ACTN1: variants seen among roughly 807,000 people sequenced by gnomAD.
ACTN1 encodes the protein alpha-actinin-1.
ACTN1 carries 30 observed loss-of-function variants against 119.6 expected under a neutral mutation model. The observed-to-expected ratio is 0.25, with a 90% confidence interval of 0.19 to 0.34. ACTN1 has a LOEUF of 0.34. Ranked by LOEUF, ACTN1 falls within the 10% of genes least tolerant of loss-of-function variation. The pLI is 1.00. For missense variants in ACTN1, 764 were observed against 1,223.4 expected (o/e 0.62, Z 5.60); for synonymous variants, 429 against 472.6 (o/e 0.91, Z 1.20).
intron 1 of ACTN1, among the ~76,000 whole-genome samples, chr14:68,959,167 C>T (rs548775201): frequency 1.3e-5 from 2 of 152,324 alleles, no homozygotes; most frequent in African/African-American, 4.8e-5. Flanking sequence ...ACAACTGCCA[C>T]GACAGAGTCT....
At chr14:68,889,077 C>G (rs1370131809) in intron 11 of ACTN1, among the ~76,000 whole-genome samples, 1 of 152,222 alleles carries the variant, frequency 6.6e-6, no homozygotes, top group African/African-American at 2.4e-5. Flanking sequence ...CTGTCCCACG[C>G]TCCAGCTGAA....
At position 68,979,076 on chromosome 14, in the gene ACTN1, G is replaced by A. The variant is rs757893892; in HGVS notation, c.-20C>T. On this transcript the variant is annotated 5_prime_UTR_variant, in exon 1 of 22. Transcript: ENST00000394419. ...GTCCATGATGGTGCGCGCGTGCTAGGGTCTGGATTTCTTCCTCCACCTTCT... is the reference window on the plus strand; with the variant it reads ...GTCCATGATGGTGCGCGCGTGCTAGAGTCTGGATTTCTTCCTCCACCTTCT... The A allele has an allele frequency of 2.0e-6, 3 of 1,538,418 alleles. No individual in the cohort carries two copies. Among genetic ancestry groups the A allele is most frequent in the African/African-American group, 2.8e-5 (2 of 71,426 alleles).
In ACTN1 at chr14:68,879,926, G is replaced by A. The variant is rs1250684612; in HGVS notation, c.2280+36C>T. The A allele has an allele frequency of 6.2e-7, 1 of 1,609,086 alleles. No homozygotes were observed. The highest frequency in any genetic ancestry group is 1.3e-5 in the African/African-American group (1 of 74,954). ...TCCAGGGCCCTGGGGCAGGGGTTGG[G>A]GGCTGCACTAAGAAAGCACAGGATG... On this transcript the variant is annotated intron_variant, in intron 18 of 21. Coordinates refer to ENST00000394419, the MANE Select transcript of ACTN1 (RefSeq NM_001130004.2). The surrounding 1 kb of genome is among the most constrained non-coding windows in gnomAD (Gnocchi z 4.9).
chr14:68,978,917 G>GCTGGGGGCTGGGGT, intron 1 of ACTN1, 35 bp downstream of exon 1: 1 of 1,429,034 alleles, frequency 7.0e-7, no homozygotes, highest in Non-Finnish European at 9.5e-7. Context: ...GGGGCTGGGG[G>GCTGGGGGCTGGGGT]CTGGGGGCTG....
At chr14:68,922,237 G>A (rs1397137580) in intron 2 of ACTN1, among the ~76,000 whole-genome samples, 2 of 152,150 alleles carry the variant, frequency 1.3e-5, no homozygotes, top group African/African-American at 2.4e-5. Flanking sequence ...GACCAGCCAC[G>A]GGGATTCTGG....
rs1387288424 is a variant in ACTN1, at chr14:68,885,617, G to A, written c.1235-42C>T. Reference sequence around the variant, plus strand: ...CCACATGGCTGAGCTGGAGTGAGAAGCATCTCCTTGGTCCCAACCGCCCAC... The same window carrying A: ...CCACATGGCTGAGCTGGAGTGAGAAACATCTCCTTGGTCCCAACCGCCCAC... On this transcript the variant is annotated intron_variant, in intron 11 of 21. Transcript: ENST00000394419. The surrounding 1 kb of genome is among the most constrained non-coding windows in gnomAD (Gnocchi z 5.6). The A allele has an allele frequency of 6.2e-7, 1 of 1,600,668 alleles. No homozygotes were observed.
At chr14:68,950,374 ATGC>A (rs2036098111) in intron 1 of ACTN1, among the ~76,000 whole-genome samples, 1 of 151,270 alleles carries the variant, frequency 6.6e-6, no homozygotes, top group Non-Finnish European at 1.5e-5. Flanking sequence ...CATGTACTTA[ATGC>A]TGCTGAACTG....
intron 8 of ACTN1, among the ~76,000 whole-genome samples, chr14:68,897,120 T>C (rs2032936876): frequency 6.6e-6 from 1 of 152,162 alleles, no homozygotes; most frequent in Non-Finnish European, 1.5e-5. Flanking sequence ...GTAGCTGGGA[T>C]TACAGGTGCA....
intron 1 of ACTN1, among the ~76,000 whole-genome samples, chr14:68,950,323 GT>G (rs1162547972): frequency 6.9e-6 from 1 of 145,712 alleles, no homozygotes; most frequent in East Asian, 2.0e-4. Flanking sequence ...AAAAAAAAGA[GT>G]TCAGGAGATG....
chr14:68,937,060 C>T (rs1263214211), intron 1 of ACTN1, among the ~76,000 whole-genome samples: 3 of 152,106 alleles, frequency 2.0e-5, no homozygotes, highest in African/African-American at 7.2e-5. Context: ...CTCCTCCTTC[C>T]TTTTTCCCTT....
At chr14:68,969,826 TAG>T (rs1197467455) in intron 1 of ACTN1, among the ~76,000 whole-genome samples, 1 of 152,004 alleles carries the variant, frequency 6.6e-6, no homozygotes, top group African/African-American at 2.4e-5. Context: ...GGAGAAAAGA[TAG>T]AGTCTGATTT....
intron 3 of ACTN1, among the ~76,000 whole-genome samples, chr14:68,916,338 C>G (rs763807): frequency 6.6e-6 from 1 of 152,156 alleles, no homozygotes; most frequent in East Asian, 1.9e-4. Context: ...GGAGTCCTCC[C>G]GGAGGGACTG....
chr14:68,963,733 G>A (rs894697719), intron 1 of ACTN1, among the ~76,000 whole-genome samples: 1 of 152,142 alleles, frequency 6.6e-6, no homozygotes. Flanking sequence ...TTTCTTCTCC[G>A]CTTGTCCTTT....
intron 1 of ACTN1, among the ~76,000 whole-genome samples, chr14:68,938,846 G>GT (rs1015117032): frequency 1.3e-5 from 2 of 152,190 alleles, no homozygotes; most frequent in African/African-American, 2.4e-5. Flanking sequence ...AAGTCCTGTT[G>GT]TTTTTTTTCC....
At chr14:68,933,160 A>T (rs2035310555) in intron 1 of ACTN1, among the ~76,000 whole-genome samples, 1 of 151,354 alleles carries the variant, frequency 6.6e-6, no homozygotes, top group Non-Finnish European at 1.5e-5. Context: ...TTTGCGATGT[A>T]TCTCGCTCTG....
intron 8 of ACTN1, among the ~76,000 whole-genome samples, chr14:68,897,830 C>A (rs2032991312): frequency 6.6e-6 from 1 of 152,226 alleles, no homozygotes. Context: ...GGGTGGGTGA[C>A]CAGGCAGAGG....
At chr14:68,884,739 G>T in intron 13 of ACTN1, 36 bp downstream of exon 13, 1 of 1,547,280 alleles carries the variant, frequency 6.5e-7, no homozygotes, top group Non-Finnish European at 8.9e-7. Context: ...CAGGGCTGCC[G>T]GATATGGGCC....
chr14:68,907,717 A>C (rs1324497652), intron 6 of ACTN1, among the ~76,000 whole-genome samples: 1 of 152,172 alleles, frequency 6.6e-6, no homozygotes, highest in African/African-American at 2.4e-5. Flanking sequence ...CTGGACTTTC[A>C]CCTCCCAAAT....
chr14:68,876,154 G>A lies in ACTN1; in HGVS notation c.2586+928C>T, dbSNP rs1594744825. Among the ~76,000 whole-genome samples the A allele has an allele frequency of 2.0e-5, 3 of 152,166 alleles. No homozygotes were observed. In the Middle Eastern group the frequency reaches 0.01, roughly 518 times the overall value. On this transcript the variant is annotated intron_variant, in intron 21 of 21. Transcript: ENST00000394419. ...TGGAATTACAGGTGCACGCCACCAC[G>A]CCCGGTTAATTTTTTGTATTTTTAG...
Sources: gnomAD v4.1 joint callset for allele counts (sites outside exome capture counted in the v4.1 genomes callset) on GRCh38, gnomAD v4.1.1 for gene constraint, Gnocchi (gnomAD v3.1) non-coding constraint, MANE v1.5 for transcripts, NCBI Gene and HGNC (gene_info 2026-07-23, HGNC 2026-07-21) for gene names.